The following KLHDC4 variants were observed in gnomAD, a reference collection of about 807,000 sequenced individuals.
KLHDC4 encodes kelch domain containing 4.
In KLHDC4, 90 loss-of-function variants were observed where a neutral mutation model predicts 62.4. That is an observed-to-expected ratio of 1.44 (90% CI 1.22 to 1.72). The LOEUF (loss-of-function observed/expected upper bound fraction) is 1.72, where lower values mean the gene tolerates loss of function less well. Ranked by LOEUF, KLHDC4 falls within the 40% of genes most tolerant of loss-of-function variation. The pLI, the probability that KLHDC4 is intolerant of heterozygous loss-of-function variation, is 0.00. For synonymous variants in KLHDC4, 386 were observed against 284.4 expected, an observed-to-expected ratio of 1.36 and a Z score of -3.59; for missense variants, 1,025 against 699.7, an observed-to-expected ratio of 1.47 and a Z score of -5.25.
chr16:87,704,250 G>C (rs1249665677), downstream of KLHDC4, among the ~76,000 whole-genome samples: 1 of 151,764 alleles, frequency 6.6e-6, no homozygotes, highest in African/African-American at 2.4e-5. Context: ...GAGAGCCCTG[G>C]GGAGGGTCCT....
intron 5 of KLHDC4, 128 bp downstream of exon 5, chr16:87,748,545 G>A (rs1329866009): frequency 4.2e-6 from 5 of 1,198,474 alleles, no homozygotes; most frequent in Admixed American, 2.2e-5. Context: ...CAGCGAGGCT[G>A]GGCTCCAGGA....
Position 87,748,574 on chromosome 16 carries a change from T to C in KLHDC4, c.506+99A>G. ...TCCAGGACTGTGACCCAAGTTCCTC[T>C]GAACCCTGGTATTCTGAGGTCTGCT... On this transcript the variant is annotated intron_variant, in intron 5 of 11. Coordinates refer to ENST00000270583, the MANE Select transcript of KLHDC4 (RefSeq NM_017566.4). 3.4e-6 allele frequency: 5 copies of C among 1,475,078 alleles called. No individual in the cohort carries two copies. In the South Asian group the frequency reaches 5.0e-5, roughly 15 times the overall value. 91.4% of individuals were successfully genotyped at this position (1,475,078 alleles called of 1,614,324 possible). A position where few individuals can be genotyped will look rare whatever the true frequency, so the allele number is the denominator to read the frequency against.
chr16:87,715,740 T>G (rs1475344283), intron 7 of KLHDC4, among the ~76,000 whole-genome samples: 3 of 152,182 alleles, frequency 2.0e-5, no homozygotes, highest in African/African-American at 4.8e-5. Flanking sequence ...TCAACAGGAC[T>G]CATCACAGTG....
At chr16:87,714,630 AC>A (rs1176733411) in intron 7 of KLHDC4, 57 bp from the exon 8 acceptor site, 2 of 1,578,576 alleles carry the variant, frequency 1.3e-6, no homozygotes, top group African/African-American at 1.4e-5. Context: ...TTGCTTACAG[AC>A]CCCCCAACCC....
chr16:87,720,327 G>A (rs938046542), intron 7 of KLHDC4, among the ~76,000 whole-genome samples: 2 of 152,144 alleles, frequency 1.3e-5, no homozygotes, highest in East Asian at 3.9e-4. Context: ...TAGGGTGTCG[G>A]TTCCAAGCGG....
At chr16:87,713,132 A>G (rs1297746513) in intron 8 of KLHDC4, among the ~76,000 whole-genome samples, 1 of 152,174 alleles carries the variant, frequency 6.6e-6, no homozygotes, top group East Asian at 1.9e-4. Flanking sequence ...CCTGGGCTAG[A>G]ACAATCCTCC....
chr16:87,728,668 G>T (rs2039799418), intron 6 of KLHDC4, among the ~76,000 whole-genome samples: 1 of 152,090 alleles, frequency 6.6e-6, no homozygotes, highest in South Asian at 2.1e-4. Flanking sequence ...ACAATTATTT[G>T]TTTTAAAATA....
chr16:87,708,425 T>C lies in KLHDC4; in HGVS notation c.1489A>G (p.Ser497Gly). ...CCCTCGGCGCCCTCAACCTCCTCAC[T>C]GTCCTCTTCCGAGTCCGTCTCCTCC... The part of the protein sequence containing the change: ...WLEETDSEED[S>G]EEVEGAEGGV... Residue 497 changes from serine to glycine, a missense_variant, in exon 11 of 12, where the codon AGT (serine) becomes GGT (glycine). Transcript: ENST00000270583. The C allele has an allele frequency of 6.2e-7, 1 of 1,611,710 alleles. No homozygotes were observed. Among genetic ancestry groups the C allele is most frequent in the Non-Finnish European group, 8.5e-7 (1 of 1,179,288 alleles).
intron 14 of KLHDC4, chr16:87,701,677 G>A (rs1300501729): frequency 6.6e-6 from 3 of 456,574 alleles, no homozygotes; most frequent in Admixed American, 2.3e-5. Flanking sequence ...CCTGGCATTT[G>A]GGATAAACAT....
chr16:87,765,884 T>C lies in KLHDC4; in HGVS notation c.7A>G (p.Lys3Glu). The change falls in exon 1 of 12, where the codon AAG (lysine) becomes GAG (glutamate). Residue 3 changes from lysine to glutamate, a missense_variant. By Grantham distance (56) the Lys-to-Glu change is moderately conservative. Transcript: ENST00000270583. MG[K>E]KGKKEKKGRG... Reference sequence around the variant, plus strand: ...CCCTTCTTCTCCTTCTTGCCCTTCTTGCCCATCTTGCCGGGTCCCAAGCCG... The same window carrying C: ...CCCTTCTTCTCCTTCTTGCCCTTCTCGCCCATCTTGCCGGGTCCCAAGCCG... The C allele has an allele frequency of 6.4e-7, 1 of 1,550,836 alleles. No individual in the cohort carries two copies. Among genetic ancestry groups the C allele is most frequent in the Non-Finnish European group, 8.7e-7 (1 of 1,146,748 alleles).
At chr16:87,718,919 C>A (rs1184521846) in intron 7 of KLHDC4, among the ~76,000 whole-genome samples, 1 of 151,686 alleles carries the variant, frequency 6.6e-6, no homozygotes, top group Non-Finnish European at 1.5e-5. Context: ...CAGCCGCCAC[C>A]CTGTCTGGGA....
downstream of KLHDC4, among the ~76,000 whole-genome samples, chr16:87,705,474 T>C (rs577703141): frequency 6.6e-6 from 1 of 152,358 alleles, no homozygotes; most frequent in East Asian, 1.9e-4. Context: ...TCAGCATCTT[T>C]CATTCAAACC....
exon 1 of KLHDC4, chr16:87,701,255 G>A (rs1448515603): frequency 8.7e-6 from 2 of 230,722 alleles, no homozygotes; most frequent in Non-Finnish European, 1.7e-5. Context: ...GGCGCTGGCT[G>A]CAGACGGGAA....
chr16:87,740,219 C>T (rs2042035570), intron 5 of KLHDC4, among the ~76,000 whole-genome samples: 1 of 152,176 alleles, frequency 6.6e-6, no homozygotes, highest in African/African-American at 2.4e-5. Context: ...AGCCAGCAAG[C>T]TCAGCCGGCA....
intron 5 of KLHDC4, among the ~76,000 whole-genome samples, chr16:87,742,367 A>G (rs1483849027): frequency 1.3e-5 from 2 of 152,210 alleles, no homozygotes; most frequent in African/African-American, 4.8e-5. Flanking sequence ...TTCTGCAATC[A>G]TTAGTAACTT....
chr16:87,707,631 A>G (rs1010141544), downstream of KLHDC4, among the ~76,000 whole-genome samples: 3 of 152,158 alleles, frequency 2.0e-5, no homozygotes, highest in African/African-American at 7.2e-5. Flanking sequence ...AAAGGCTCAC[A>G]AAGCACAGCA....
intron 7 of KLHDC4, among the ~76,000 whole-genome samples, chr16:87,725,300 C>A (rs778503789): frequency 6.6e-5 from 10 of 152,074 alleles, no homozygotes; most frequent in Non-Finnish European, 1.0e-4. Flanking sequence ...AAATTACCAC[C>A]GACTACAGGC....
downstream of KLHDC4, chr16:87,707,760 C>T (rs111933490): frequency 2.2e-5 from 7 of 325,178 alleles, no homozygotes; most frequent in Admixed American, 1.2e-4. Context: ...GCAGAGGCCC[C>T]GGGAAGACTG....
At chr16:87,702,407 C>A in exon 1 of KLHDC4, 1 of 375,168 alleles carries the variant, frequency 2.7e-6, no homozygotes, top group Non-Finnish European at 5.3e-6. Context: ...CCGTCCTGCA[C>A]CCCCAGCCTG....
Sources: allele counts gnomAD v4.1 joint callset (sites outside exome capture counted in the v4.1 genomes callset), GRCh38; gene constraint gnomAD v4.1.1; transcripts MANE v1.5; gene names NCBI Gene and HGNC (gene_info 2026-07-23, HGNC 2026-07-21).